Variants in VPS13C observed in about 807,000 individuals in gnomAD.
VPS13C encodes the protein intermembrane lipid transfer protein VPS13C.
A neutral mutation model predicts 456.8 loss-of-function variants in VPS13C; 358 were observed. That is an observed-to-expected ratio of 0.78 (90% CI 0.72 to 0.86). The LOEUF (loss-of-function observed/expected upper bound fraction) is 0.86, where lower values mean the gene tolerates loss of function less well. VPS13C is among the 40% of genes least tolerant of loss of function. The pLI, the probability that VPS13C is intolerant of heterozygous loss-of-function variation, is 0.00. For missense variants in VPS13C, 4,818 were observed against 4,385.4 expected (o/e 1.10, Z -2.79); for synonymous variants, 1,578 against 1,486.7 (o/e 1.06, Z -1.41).
intron 65 of VPS13C, among the ~76,000 whole-genome samples, 199 bp downstream of exon 65, chr15:61,908,793 T>C (rs2043216801): frequency 6.6e-6 from 1 of 152,206 alleles, no homozygotes. Context: ...GATGTGAATA[T>C]TCATCAGTTT....
chr15:61,962,631 A>T lies in VPS13C; in HGVS notation c.3436-93T>A. On this transcript the variant is annotated intron_variant, in intron 33 of 84. Coordinates refer to ENST00000644861, the MANE Select transcript of VPS13C (RefSeq NM_020821.3). ...AAGGCTTTACATTTATAATCTTTATAAAAAAATTTTTCTATTGAAATATAT... is the reference window on the plus strand; with the variant it reads ...AAGGCTTTACATTTATAATCTTTATTAAAAAATTTTTCTATTGAAATATAT... The T allele has an allele frequency of 5.1e-6, 7 of 1,363,444 alleles. No homozygotes were observed. The South Asian group carries it at 1.2e-4, about 24-fold the overall frequency. 84.5% of individuals were successfully genotyped at this position (1,363,444 alleles called of 1,614,324 possible).
intron 53 of VPS13C, among the ~76,000 whole-genome samples, chr15:61,923,400 T>C (rs534729415): frequency 3.2e-4 from 48 of 152,286 alleles, no homozygotes; most frequent in Non-Finnish European, 6.3e-4. Flanking sequence ...TGACATCTTC[T>C]ACGGCCAACG....
chr15:62,020,088 G>A (rs574519954), intron 9 of VPS13C, among the ~76,000 whole-genome samples: 7 of 149,204 alleles, frequency 4.7e-5, no homozygotes, highest in Admixed American at 3.3e-4. Context: ...CCAATGAGAT[G>A]AGTGTGCGCA....
chr15:62,042,431 T>C (rs1323951120), intron 2 of VPS13C, among the ~76,000 whole-genome samples: 2 of 152,044 alleles, frequency 1.3e-5, no homozygotes, highest in Admixed American at 6.6e-5. Flanking sequence ...AAATAATCAA[T>C]TTACCTAATC....
intron 82 of VPS13C, among the ~76,000 whole-genome samples, chr15:61,857,567 A>C (rs1174933572): frequency 6.6e-6 from 1 of 152,216 alleles, no homozygotes; most frequent in Non-Finnish European, 1.5e-5. Flanking sequence ...TTCCTTTTAA[A>C]AAATGTTTCA....
chr15:62,008,670 G>C lies in VPS13C; in HGVS notation c.1103C>G (p.Thr368Ser), dbSNP rs1258573275. Reference sequence around the variant, plus strand: ...TCTAACTTACCATCGTCGACCATTGGTATGAAGTGGTAAATAAGGCTTGTA... The same window carrying C: ...TCTAACTTACCATCGTCGACCATTGCTATGAAGTGGTAAATAAGGCTTGTA... Reference protein sequence around the residue: ...RKYKPYLPLHTNGRRWWKYAI... With the variant: ...RKYKPYLPLHSNGRRWWKYAI... Residue 368 changes from threonine to serine, a missense_variant, in exon 14 of 85, where the codon ACC becomes AGC. Transcript: ENST00000644861. 3 of 1,603,642 alleles carry C rather than the reference G, an allele frequency of 1.9e-6. No individual in the cohort carries two copies. The highest frequency in any genetic ancestry group is 2.6e-6 in the Non-Finnish European group (3 of 1,174,768).
At position 61,874,965 on chromosome 15, in the gene VPS13C, AT is replaced by A; in HGVS notation, c.10339-15del. ...TTGAACAGCACCCTGGCAAAAAAAA[AT>A]AAAAAATAATCTTATTATTTAAAAT... On this transcript the variant is annotated splice_polypyrimidine_tract_variant and intron_variant, in intron 76 of 84. Transcript: ENST00000644861. The A allele has an allele frequency of 6.5e-7, 1 of 1,534,998 alleles. No individual in the cohort carries two copies. Among genetic ancestry groups the A allele is most frequent in the Non-Finnish European group, 8.7e-7 (1 of 1,150,122 alleles).
At chr15:61,959,630 T>G in intron 35 of VPS13C, 35 bp from the exon 36 acceptor site, 5 of 1,590,042 alleles carry the variant, frequency 3.1e-6, no homozygotes, top group Non-Finnish European at 4.3e-6. Flanking sequence ...AATGCATAGA[T>G]ATAGGGTAGA....
intron 49 of VPS13C, among the ~76,000 whole-genome samples, chr15:61,933,166 G>A (rs996982835): frequency 4.6e-5 from 7 of 152,118 alleles, no homozygotes; most frequent in Non-Finnish European, 1.0e-4. Flanking sequence ...AATGAATAAG[G>A]AAGGCATACA....
chr15:61,883,273 G>A (rs1896012832), intron 68 of VPS13C, among the ~76,000 whole-genome samples: 1 of 150,992 alleles, frequency 6.6e-6, no homozygotes, highest in Non-Finnish European at 1.5e-5. Context: ...CTGACCTCAA[G>A]TGATCCTCCT....
intron 63 of VPS13C, among the ~76,000 whole-genome samples, chr15:61,910,723 C>T (rs1241010572): frequency 6.6e-6 from 1 of 152,104 alleles, no homozygotes; most frequent in East Asian, 1.9e-4. Context: ...CAACTGAAGG[C>T]AGAGGAGAGA....
chr15:62,002,685 T>C (rs1221100941), intron 15 of VPS13C, among the ~76,000 whole-genome samples: 2 of 121,238 alleles, frequency 1.6e-5, no homozygotes, highest in African/African-American at 3.1e-5. Flanking sequence ...CCATCTTGAA[T>C]TGATTTTTGT....
In VPS13C at chr15:61,915,781, A is replaced by G; in HGVS notation, c.8297T>C (p.Leu2766Pro). The G allele has an allele frequency of 1.9e-6, 3 of 1,614,166 alleles. No individual in the cohort carries two copies. Among genetic ancestry groups the G allele is most frequent in the Non-Finnish European group, 2.5e-6 (3 of 1,180,022 alleles). Residue 2766 changes from leucine (L) to proline (P), a missense_variant, in exon 61 of 85, where the codon CTG (leucine) becomes CCG (proline). Leu to Pro is a moderately conservative substitution (Grantham distance 98). Coordinates refer to ENST00000644861, the MANE Select transcript of VPS13C (RefSeq NM_020821.3). ...HVRRIGSRMV[L>P]SVFSPYWLIN... ...TAACCAATAGGGACTAAAGACAGAC[A>G]GCACCATCCGGCTGCCAATTCTCCT... is the stretch of plus-strand genomic sequence containing the variant.
chr15:61,874,689 A>C (rs538522354), intron 77 of VPS13C, among the ~76,000 whole-genome samples, 187 bp downstream of exon 77: 1 of 152,046 alleles, frequency 6.6e-6, no homozygotes, highest in Non-Finnish European at 1.5e-5. Flanking sequence ...CACTACAAAG[A>C]CATATTAAAA....
chr15:61,934,200 A>G lies in VPS13C; in HGVS notation c.5868+19T>C. 2 of 1,494,338 alleles carry G rather than the reference A, an allele frequency of 1.3e-6. No individual in the cohort carries two copies. The highest frequency in any genetic ancestry group is 9.1e-7 in the Non-Finnish European group (1 of 1,098,402). The allele number at this position is 1,494,338 out of a possible 1,614,324, so 92.6% of individuals were successfully genotyped here. A position where few individuals can be genotyped will look rare whatever the true frequency, so the allele number is the denominator to read the frequency against. On this transcript the variant is annotated intron_variant, in intron 49 of 84. Transcript: ENST00000644861. ...AAGAGCTAAGGATTTATTTCTAATT[A>G]CAGAAATGTATTACATACCTGGTTG...
intron 13 of VPS13C, among the ~76,000 whole-genome samples, chr15:62,009,954 G>A (rs1293623365): frequency 1.3e-5 from 2 of 152,132 alleles, no homozygotes; most frequent in Non-Finnish European, 2.9e-5. Context: ...CTGGGAGGCC[G>A]AGGCGGGCAG....
rs555474624 is a variant in VPS13C at position 61,982,584 on chromosome 15, ATT to A, written c.1915-13_1915-12del. The A allele has an allele frequency of 1.9e-4, 303 of 1,588,674 alleles. 2 individuals carry two copies. The highest frequency in any genetic ancestry group is 1.2e-3 in the Middle Eastern group (7 of 5,864). ...TGCATTGACAGTTTTCTATAAGAAA[ATT>A]TTTTTAACATAACCAAGTTACACAT... On this transcript the variant is annotated splice_polypyrimidine_tract_variant and intron_variant, in intron 20 of 84. Transcript: ENST00000644861.
chr15:61,916,689 C>T (rs2140165255), intron 60 of VPS13C, among the ~76,000 whole-genome samples: 1 of 152,078 alleles, frequency 6.6e-6, no homozygotes, highest in Middle Eastern at 3.4e-3. Flanking sequence ...TCCAGATTTT[C>T]ATATTTTAAA....
intron 1 of VPS13C, among the ~76,000 whole-genome samples, chr15:62,045,246 T>C (rs1249847722): frequency 2.0e-5 from 3 of 150,670 alleles, no homozygotes. Context: ...CAGAGGGGAC[T>C]GTGCAAAAGT....
Sources: gnomAD v4.1 joint callset for allele counts (sites outside exome capture counted in the v4.1 genomes callset) on GRCh38, gnomAD v4.1.1 for gene constraint, MANE v1.5 for transcripts, NCBI Gene and HGNC (gene_info 2026-07-23, HGNC 2026-07-21) for gene names.